The following MDM4 variants were observed in gnomAD, a reference collection of about 807,000 sequenced individuals.
MDM4 encodes the protein MDM4 regulator of p53.
In MDM4, 2 loss-of-function variants were observed where a neutral mutation model predicts 60.2. That is an observed-to-expected ratio of 0.03 (90% confidence interval 0.01 to 0.10). MDM4 has a LOEUF of 0.10. Ranked by LOEUF, MDM4 falls within the 10% of genes least tolerant of loss-of-function variation. The pLI, the probability that MDM4 is intolerant of heterozygous loss-of-function variation, is 1.00. For synonymous variants in MDM4, 202 were observed against 198.1 expected, an observed-to-expected ratio of 1.02 and a Z score of -0.17; for missense variants, 447 against 577.5, an observed-to-expected ratio of 0.77 and a Z score of 2.32.
In MDM4 at chr1:204,550,213, G is replaced by T; in HGVS notation, c.*531G>T. ...AGGGTCTGTCTTGTTCTGTCTCCCA[G>T]GCTGAAGTGCAGTGCAGTGGTATGA... On this transcript the variant is annotated 3_prime_UTR_variant, in exon 11 of 11. Transcript: ENST00000367182. 4.3e-6 allele frequency: 1 copy of T among 231,460 alleles called. No individual in the cohort carries two copies. The highest frequency in any genetic ancestry group is 5.7e-5 in the Admixed American group (1 of 17,610). The allele number at this position is 231,460 out of a possible 1,614,324, so 14.3% of individuals were successfully genotyped here.
In MDM4 at chr1:204,525,632, T is replaced by C. The variant is rs916465155; in HGVS notation, c.78+36T>C. On this transcript the variant is annotated intron_variant, in intron 2 of 10. Transcript: ENST00000367182. ...TTCGGTATTTCTAGTTTTTTGGTTT[T>C]TTTTTTTTTTAATTTTTAAAAAGTT... The C allele has an allele frequency of 2.1e-6, 3 of 1,410,752 alleles. No homozygotes were observed. In the African/African-American group the frequency reaches 4.4e-5, roughly 21 times the overall value. The allele number at this position is 1,410,752 out of a possible 1,614,324, so 87.4% of individuals were successfully genotyped here. A position where few individuals can be genotyped will look rare whatever the true frequency, so the allele number is the denominator to read the frequency against.
rs4252697 is a variant in MDM4, at chr1:204,532,255, C to T, written c.343+9C>T. On this transcript the variant is annotated intron_variant, in intron 5 of 10. Coordinates refer to ENST00000367182, the MANE Select transcript of MDM4 (RefSeq NM_002393.5). ...AGCCACTGCTACTACAGGTATGTCACATCATATTTCTTCAGTCTGTATCAC... is the reference window on the plus strand; with the variant it reads ...AGCCACTGCTACTACAGGTATGTCATATCATATTTCTTCAGTCTGTATCAC... The T allele has an allele frequency of 0.19, 286,478 of 1,546,576 alleles. 28,907 individuals carry two copies. The highest frequency in any genetic ancestry group is 0.4 in the East Asian group (17,498 of 44,274).
chr1:204,549,098 C>A lies in MDM4; in HGVS notation c.904-15C>A. 1 of 1,524,868 alleles carries A rather than the reference C, an allele frequency of 6.6e-7. No individual in the cohort carries two copies. The highest frequency in any genetic ancestry group is 1.2e-5 in the South Asian group (1 of 84,056). The allele number at this position is 1,524,868 out of a possible 1,614,324, so 94.5% of individuals were successfully genotyped here. A position where few individuals can be genotyped will look rare whatever the true frequency, so the allele number is the denominator to read the frequency against. On this transcript the variant is annotated splice_polypyrimidine_tract_variant and intron_variant, in intron 10 of 10. Coordinates refer to ENST00000367182, the MANE Select transcript of MDM4 (RefSeq NM_002393.5). Reference sequence around the variant, plus strand: ...TAACCCCCTGAGTATTAATTGGCTTCACTTGTCTTTGTAGGATGAGTGGCA... The same window carrying A: ...TAACCCCCTGAGTATTAATTGGCTTAACTTGTCTTTGTAGGATGAGTGGCA...
intron 5 of MDM4, among the ~76,000 whole-genome samples, chr1:204,533,564 C>T (rs963539525): frequency 2.6e-5 from 4 of 152,126 alleles, no homozygotes; most frequent in Non-Finnish European, 5.9e-5. Context: ...TGCTGTGTTG[C>T]TCAGGCTGAT....
rs112944908 is a variant in MDM4 at position 204,542,731 on chromosome 1, T to G, written c.512-53T>G. ...AGTTTTAAGTATTCTAAAGATAGTC[T>G]TAGTTATTACGTATTGTGCATAGTT... On this transcript the variant is annotated intron_variant, in intron 7 of 10. Transcript: ENST00000367182. 2,169 of 1,333,494 alleles carry G rather than the reference T, an allele frequency of 1.6e-3. 28 individuals carry two copies. In the African/African-American group the frequency reaches 0.028, roughly 18 times the overall value. 82.6% of individuals were successfully genotyped at this position (1,333,494 alleles called of 1,614,324 possible).
rs1357799626 is a variant in MDM4 at position 204,551,545 on chromosome 1, C to G, written c.*1863C>G. The G allele has an allele frequency of 1.8e-5, 3 of 165,196 alleles. No homozygotes were observed. The highest frequency in any genetic ancestry group is 8.8e-5 in the African/African-American group (3 of 34,162). 10.2% of individuals were successfully genotyped at this position (165,196 alleles called of 1,614,324 possible). ...AGGGAGGTAAAGAGAAATGGTAGAT[C>G]TGAAGAGGCCTCATCAGAGCACATA... On this transcript the variant is annotated 3_prime_UTR_variant, in exon 11 of 11. Coordinates refer to ENST00000367182, the MANE Select transcript of MDM4 (RefSeq NM_002393.5).
At chr1:204,530,839 G>C in intron 4 of MDM4, 22 bp downstream of exon 4, 1 of 1,614,072 alleles carries the variant, frequency 6.2e-7, no homozygotes, top group South Asian at 1.1e-5. Flanking sequence ...GAGGGCTTGC[G>C]TATCTTTTTG....
At chr1:204,546,950 T>C (rs1429985488) in intron 10 of MDM4, 73 bp downstream of exon 10, 1 of 903,682 alleles carries the variant, frequency 1.1e-6, no homozygotes, top group Non-Finnish European at 1.8e-6. Flanking sequence ...AGTTCACTTG[T>C]GTTGAAGAGT....
At chr1:204,527,739 T>A (rs548917329) in intron 3 of MDM4, among the ~76,000 whole-genome samples, 67 of 152,322 alleles carry the variant, frequency 4.4e-4, no homozygotes, top group South Asian at 1.0e-3. Context: ...TGAAGTTTTT[T>A]AAAAAACAAT....
At chr1:204,533,663 C>CA (rs1378421148) in intron 5 of MDM4, among the ~76,000 whole-genome samples, 1 of 152,176 alleles carries the variant, frequency 6.6e-6, no homozygotes, top group Non-Finnish European at 1.5e-5. Context: ...TGGCCACTGC[C>CA]ACTGTCTTTT....
chr1:204,544,870 C>G (rs1332401426), intron 9 of MDM4, among the ~76,000 whole-genome samples, 186 bp downstream of exon 9: 1 of 152,090 alleles, frequency 6.6e-6, no homozygotes, highest in Non-Finnish European at 1.5e-5. Flanking sequence ...TTAAAAGCCC[C>G]TACTTAGTCA....
At chr1:204,534,644 C>T (rs1387154558) in intron 5 of MDM4, among the ~76,000 whole-genome samples, 1 of 151,958 alleles carries the variant, frequency 6.6e-6, no homozygotes, top group Non-Finnish European at 1.5e-5. Flanking sequence ...TATGCCACCA[C>T]ACCTGGCTAG....
At chr1:204,539,973 G>T (rs1327750248) in intron 7 of MDM4, among the ~76,000 whole-genome samples, 2 of 152,136 alleles carry the variant, frequency 1.3e-5, no homozygotes, top group African/African-American at 4.8e-5. Context: ...ATGTGTACAA[G>T]GTGTACATGA....
At chr1:204,531,860 C>T (rs1660891297) in intron 4 of MDM4, among the ~76,000 whole-genome samples, 1 of 152,062 alleles carries the variant, frequency 6.6e-6, no homozygotes, top group Non-Finnish European at 1.5e-5. Flanking sequence ...CCTCCACCCC[C>T]ACTTTCCAAT....
rs1486466107 is a variant in MDM4 at position 204,554,883 on chromosome 1, ATTATTGGTAATGCCG to A, written c.*5210_*5224del. On this transcript the variant is annotated 3_prime_UTR_variant, in exon 11 of 11. Coordinates refer to ENST00000367182, the MANE Select transcript of MDM4 (RefSeq NM_002393.5). The stretch of plus-strand genomic sequence containing the variant: ...AGATCTTTTGATGTGCACTAATGCC[ATTATTGGTAATGCCG>A]TTATTGGTGAATACAGCATAGTTAA... 1.3e-5 allele frequency: 3 copies of A among 224,962 alleles called. No homozygotes were observed. The highest frequency in any genetic ancestry group is 2.7e-5 in the Non-Finnish European group (3 of 113,040). 13.9% of individuals were successfully genotyped at this position (224,962 alleles called of 1,614,324 possible).
chr1:204,553,339 C>T lies in MDM4; in HGVS notation c.*3657C>T. The T allele has an allele frequency of 4.5e-6, 1 of 220,762 alleles. No homozygotes were observed. The highest frequency in any genetic ancestry group is 9.1e-6 in the Non-Finnish European group (1 of 109,960). 13.7% of individuals were successfully genotyped at this position (220,762 alleles called of 1,614,324 possible). The stretch of plus-strand genomic sequence containing the variant: ...CCAAATACTGACATTTACCTTTTAG[C>T]TGTAGTTATTGGGACCATGTGCTCT... On this transcript the variant is annotated 3_prime_UTR_variant, in exon 11 of 11. Transcript: ENST00000367182.
In MDM4 at chr1:204,549,715, G is replaced by T. The variant is rs778873209; in HGVS notation, c.*33G>T. 1.8e-6 allele frequency: 2 copies of T among 1,127,586 alleles called. No individual in the cohort carries two copies. The highest frequency in any genetic ancestry group is 1.6e-5 in the African/African-American group (1 of 63,726). The allele number at this position is 1,127,586 out of a possible 1,614,324, so 69.8% of individuals were successfully genotyped here. A position where few individuals can be genotyped will look rare whatever the true frequency, so the allele number is the denominator to read the frequency against. On this transcript the variant is annotated 3_prime_UTR_variant, in exon 11 of 11. Coordinates refer to ENST00000367182, the MANE Select transcript of MDM4 (RefSeq NM_002393.5). ...ACGAACATAAAAATGCATTTATTCC[G>T]TTCACTTACCACATTATTTGAAAAT...
In MDM4 at chr1:204,554,964, C is replaced by G. The variant is rs764073041; in HGVS notation, c.*5282C>G. ...AAATCTACACTTGGATTTGCTGCAC[C>G]TCTACCAATAGCCTTTTGAATGACT... On this transcript the variant is annotated 3_prime_UTR_variant, in exon 11 of 11. Transcript: ENST00000367182. 1.4e-4 allele frequency: 30 copies of G among 221,054 alleles called. No individual in the cohort carries two copies. Among genetic ancestry groups the G allele is most frequent in the Non-Finnish European group, 2.2e-4 (24 of 110,572 alleles). 13.7% of individuals were successfully genotyped at this position (221,054 alleles called of 1,614,324 possible). A position where few individuals can be genotyped will look rare whatever the true frequency, so the allele number is the denominator to read the frequency against.
intron 1 of MDM4, among the ~76,000 whole-genome samples, chr1:204,519,328 C>G (rs923914202): frequency 3.3e-5 from 5 of 152,120 alleles, no homozygotes; most frequent in Admixed American, 6.6e-5. Context: ...AAAAAGAAAC[C>G]GCGTCTCTAC....
Sources: allele counts gnomAD v4.1 joint callset (sites outside exome capture counted in the v4.1 genomes callset), GRCh38; gene constraint gnomAD v4.1.1; transcripts MANE v1.5; gene names NCBI Gene and HGNC (gene_info 2026-07-23, HGNC 2026-07-21).